Variants in ZNF587 observed in about 807,000 individuals in gnomAD.
ZNF587 encodes the protein zinc finger protein 587, also known as zinc finger protein zfp6.
In ZNF587, 8 loss-of-function variants were observed where a neutral mutation model predicts 7.5. The observed-to-expected ratio is 1.06, with a 90% confidence interval of 0.62 to 1.92. ZNF587 has a LOEUF of 1.92. Ranked by LOEUF, ZNF587 falls within the 40% of genes most tolerant of loss-of-function variation. The probability of loss-of-function intolerance (pLI) is 0.00; values close to 1 mark genes in which losing one functional copy is unlikely to be tolerated. For synonymous variants in ZNF587, 145 were observed against 237.8 expected (o/e 0.61, Z 3.59); for missense variants, 468 against 692.8 (o/e 0.68, Z 3.64).
intron 2 of ZNF587, among the ~76,000 whole-genome samples, chr19:57,856,559 C>T (rs554641480): frequency 6.6e-6 from 1 of 152,092 alleles, no homozygotes. Context: ...AGGCGACTAC[C>T]ACCACGCCTG....
chr19:57,852,775 A>G (rs1016568072), intron 1 of ZNF587, among the ~76,000 whole-genome samples: 2 of 141,928 alleles, frequency 1.4e-5, no homozygotes, highest in African/African-American at 5.4e-5. Context: ...TGATCGTCAC[A>G]TCTCGGCCTC....
chr19:57,855,126 C>G (rs1363030908), intron 1 of ZNF587, among the ~76,000 whole-genome samples: 14 of 151,500 alleles, frequency 9.2e-5, no homozygotes, highest in Non-Finnish European at 1.2e-4. Context: ...AGAGCTTGCA[C>G]TGAGCTGAGA....
intron 1 of ZNF587, 146 bp downstream of exon 1, chr19:57,850,217 C>G: frequency 1.4e-6 from 2 of 1,467,978 alleles, no homozygotes; most frequent in Non-Finnish European, 1.9e-6. Flanking sequence ...CTCCTTGTAA[C>G]CGTCCAGTGG....
chr19:57,855,946 C>T (rs1007393104), intron 1 of ZNF587, 158 bp from the exon 2 acceptor site: 2 of 1,288,782 alleles, frequency 1.6e-6, no homozygotes, highest in African/African-American at 3.0e-5. Flanking sequence ...GGCATTTGAC[C>T]AGCAGGCCCA....
chr19:57,854,083 T>C (rs1248253859), intron 1 of ZNF587: 2 of 152,372 alleles, frequency 1.3e-5, no homozygotes, highest in South Asian at 4.1e-4. Flanking sequence ...TCTGGACTCA[T>C]AAACATTTTG....
In ZNF587 at chr19:57,865,019, CTT is replaced by C. The variant is rs1361608016; in HGVS notation, c.*4880_*4881del. On this transcript the variant is annotated 3_prime_UTR_variant, in exon 3 of 3. Coordinates refer to ENST00000339656, the MANE Select transcript of ZNF587 (RefSeq NM_032828.4). ...TAAGCAATTTTAGTCTCTGCAGTCT[CTT>C]GTCTTGAATTAATACAACTTTTGTT... is the stretch of plus-strand genomic sequence containing the variant. 3.3e-5 allele frequency: 5 copies of C among 152,314 alleles called. No individual in the cohort carries two copies. The highest frequency in any genetic ancestry group is 4.8e-5 in the African/African-American group (2 of 41,570). The allele number at this position is 152,314 out of a possible 1,614,324, so 9.4% of individuals were successfully genotyped here.
chr19:57,855,292 C>G (rs1159493494), intron 1 of ZNF587, among the ~76,000 whole-genome samples: 1 of 151,978 alleles, frequency 6.6e-6, no homozygotes, highest in East Asian at 1.9e-4. Flanking sequence ...CTGCAGTGAG[C>G]CATGATTGTG....
intron 1 of ZNF587, chr19:57,852,231 A>G (rs950619501): frequency 1.3e-5 from 5 of 396,982 alleles, no homozygotes; most frequent in African/African-American, 8.3e-5. Flanking sequence ...AGGTATTCCC[A>G]TTTCTGTCAA....
chr19:57,852,530 C>CTT (rs1440508231), intron 1 of ZNF587: 87 of 354,418 alleles, frequency 2.5e-4, no homozygotes, highest in Middle Eastern at 2.2e-3. Context: ...GCTAGGTTTT[C>CTT]TTTTTTTTTT....
Position 57,859,729 on chromosome 19 carries a change from G to C in ZNF587, c.1317G>C (p.Arg439Ser), listed in dbSNP as rs758161081. 1 of 1,613,712 alleles carries C rather than the reference G, an allele frequency of 6.2e-7. No individual in the cohort carries two copies. The highest frequency in any genetic ancestry group is 8.5e-7 in the Non-Finnish European group (1 of 1,179,928). The change falls in exon 3 of 3, where the codon AGG (arginine) becomes AGC (serine). Residue 439 changes from arginine to serine, a missense_variant. Coordinates refer to ENST00000339656, the MANE Select transcript of ZNF587 (RefSeq NM_032828.4). Reference sequence around the variant, plus strand: ...CTGGGGAAAGACCTTACAATTGTAGGGAATGTGGGAAATTATTTAACAGGA... The same window carrying C: ...CTGGGGAAAGACCTTACAATTGTAGCGAATGTGGGAAATTATTTAACAGGA... Reference protein sequence around the residue: ...LHTGERPYNCRECGKLFNRKY... With the variant: ...LHTGERPYNCSECGKLFNRKY...
intron 1 of ZNF587, chr19:57,852,114 C>G: frequency 2.7e-6 from 1 of 373,952 alleles, no homozygotes. Flanking sequence ...GGTTCTCTAG[C>G]TTGTGGTGTC....
At chr19:57,851,298 G>C (rs1287223126) in intron 1 of ZNF587, 1 of 152,196 alleles carries the variant, frequency 6.6e-6, no homozygotes, top group East Asian at 1.9e-4. Flanking sequence ...GCAAAGACAG[G>C]CTGGTCCCCA....
chr19:57,860,515 C>G lies in ZNF587; in HGVS notation c.*375C>G. 1 of 278,020 alleles carries G rather than the reference C, an allele frequency of 3.6e-6. No individual in the cohort carries two copies. The highest frequency in any genetic ancestry group is 4.3e-5 in the South Asian group (1 of 23,308). The allele number at this position is 278,020 out of a possible 1,614,324, so 17.2% of individuals were successfully genotyped here. On this transcript the variant is annotated 3_prime_UTR_variant, in exon 3 of 3. Coordinates refer to ENST00000339656, the MANE Select transcript of ZNF587 (RefSeq NM_032828.4). ...AACTCCTGACCTCAAGTGATCCACCCACCTTGACTCCCAAAGTGCTGAAAT... is the reference window on the plus strand; with the variant it reads ...AACTCCTGACCTCAAGTGATCCACCGACCTTGACTCCCAAAGTGCTGAAAT...
At position 57,861,789 on chromosome 19, in the gene ZNF587, T is replaced by TTTTTTTTTC. The variant is rs1555775628; in HGVS notation, c.*1649_*1650insTTTTTTTTC. 1.8e-4 allele frequency: 27 copies of TTTTTTTTTC among 148,040 alleles called. No individual in the cohort carries two copies. The highest frequency in any genetic ancestry group is 4.2e-4 in the African/African-American group (16 of 38,324). The allele number at this position is 148,040 out of a possible 1,614,324, so 9.2% of individuals were successfully genotyped here. A position where few individuals can be genotyped will look rare whatever the true frequency, so the allele number is the denominator to read the frequency against. Reference sequence around the variant, plus strand: ...TTTGGTTTTCTTTTTTTTTTTTTTTTCCAGATGGAGTCTAGCTCTGTCTCC... The same window carrying TTTTTTTTTC: ...TTTGGTTTTCTTTTTTTTTTTTTTTTTTTTTTTTCCCAGATGGAGTCTAGCTCTGTCTCC... On this transcript the variant is annotated 3_prime_UTR_variant, in exon 3 of 3. Transcript: ENST00000339656.
chr19:57,864,198 G>A lies in ZNF587; in HGVS notation c.*4058G>A, dbSNP rs1259268794. On this transcript the variant is annotated 3_prime_UTR_variant, in exon 3 of 3. Coordinates refer to ENST00000339656, the MANE Select transcript of ZNF587 (RefSeq NM_032828.4). ...ACCCAGGCTGAAGTGCAATGGCATG[G>A]TCTCGGCTCACTGCAACCTCCGCCT... 2.1e-5 allele frequency: 3 copies of A among 140,650 alleles called. No homozygotes were observed. Among genetic ancestry groups the A allele is most frequent in the African/African-American group, 5.4e-5 (2 of 36,782 alleles). The allele number at this position is 140,650 out of a possible 1,614,324, so 8.7% of individuals were successfully genotyped here.
At position 57,860,196 on chromosome 19, in the gene ZNF587, A is replaced by G. The variant is rs763726718; in HGVS notation, c.*56A>G. On this transcript the variant is annotated 3_prime_UTR_variant, in exon 3 of 3. Coordinates refer to ENST00000339656, the MANE Select transcript of ZNF587 (RefSeq NM_032828.4). ...AGCATCCCGTCTCGTTAAACACAGG[A>G]GAGTTCATACTGGAGAAAGGCCTTA... The G allele has an allele frequency of 1.1e-4, 180 of 1,613,470 alleles. No individual in the cohort carries two copies. The highest frequency in any genetic ancestry group is 1.5e-4 in the Non-Finnish European group (176 of 1,179,642).
At chr19:57,858,456 A>G in intron 2 of ZNF587, 120 bp from the exon 3 acceptor site, 4 of 1,475,104 alleles carry the variant, frequency 2.7e-6, no homozygotes, top group South Asian at 1.4e-5. Flanking sequence ...TGAAGCCAAC[A>G]TTGTGTTCCT....
In ZNF587 at chr19:57,860,071, T is replaced by G. The variant is rs201280123; in HGVS notation, c.1659T>G (p.Cys553Trp). ...AAAGGCCTTATGAATGCACCAAATG[T>G]GGAAAAACATTTCAGCGAAGCTCTA... ...TGERPYECTKCGKTFQRSSTL... is the reference protein window; with the variant it reads ...TGERPYECTKWGKTFQRSSTL... The change falls in exon 3 of 3, where the codon TGT becomes TGG. Residue 553 changes from cysteine (C) to tryptophan (W), a missense_variant. By Grantham distance (215) the Cys-to-Trp change is radical. This residue lies in a region of ZNF587 where 310 missense variants were observed against 325.6 expected (regional missense o/e 0.95). Transcript: ENST00000339656. The G allele has an allele frequency of 6.2e-7, 1 of 1,613,404 alleles. No homozygotes were observed. The highest frequency in any genetic ancestry group is 2.2e-5 in the East Asian group (1 of 44,878).
rs759662822 is a variant in ZNF587, at chr19:57,856,246, C to T, written c.163+13C>T. 3.1e-5 allele frequency: 48 copies of T among 1,559,052 alleles called. 1 individual carries two copies. The East Asian group carries it at 3.8e-4, about 12-fold the overall frequency. ...ATATCCTCGCTGGGTAAGTTGCTCACGCTCACCTTTGTGACCTGAGCTAGT... is the reference window on the plus strand; with the variant it reads ...ATATCCTCGCTGGGTAAGTTGCTCATGCTCACCTTTGTGACCTGAGCTAGT... On this transcript the variant is annotated intron_variant, in intron 2 of 2. Coordinates refer to ENST00000339656, the MANE Select transcript of ZNF587 (RefSeq NM_032828.4).
Sources: allele counts gnomAD v4.1 joint callset (sites outside exome capture counted in the v4.1 genomes callset), GRCh38; gene constraint gnomAD v4.1.1; regional missense constraint gnomAD v4.1.1; transcripts MANE v1.5; gene names NCBI Gene and HGNC (gene_info 2026-07-23, HGNC 2026-07-21).